The following ZNHIT3 variants were observed in gnomAD, a reference collection of about 807,000 sequenced individuals.
ZNHIT3 encodes zinc finger HIT-type containing 3, also known as zinc finger HIT domain-containing protein 3.
Under a neutral mutation model 19.9 loss-of-function variants are expected in ZNHIT3, and 27 were observed. The ratio of observed to expected loss-of-function variants is 1.36; its 90% CI spans 1.00 to 1.87. The LOEUF is 1.87. ZNHIT3 is among the 40% of genes most tolerant of loss of function. ZNHIT3 has a pLI of 0.00. For missense variants in ZNHIT3, 215 were observed against 185.6 expected, an observed-to-expected ratio of 1.16 and a Z score of -0.92; for synonymous variants, 81 against 65.7, an observed-to-expected ratio of 1.23 and a Z score of -1.13.
At chr17:36,497,718 GGGAC>G (rs1450765825), downstream of ZNHIT3, 1 of 199,170 alleles carries the variant, frequency 5.0e-6, no homozygotes, top group African/African-American at 2.4e-5. Flanking sequence ...CCGAGCAGCT[GGGAC>G]TACAGGCGCC....
At chr17:36,489,039 G>C (rs2070661696) in intron 2 of ZNHIT3, 1 of 152,200 alleles carries the variant, frequency 6.6e-6, no homozygotes, top group Non-Finnish European at 1.5e-5. Context: ...AACTTGCTTA[G>C]CATCCACATG....
At position 36,495,419 on chromosome 17, in the gene ZNHIT3, C is replaced by CT; in HGVS notation, c.*16dup. 5 of 1,577,704 alleles carry CT rather than the reference C, an allele frequency of 3.2e-6. No individual in the cohort carries two copies. Among genetic ancestry groups the CT allele is most frequent in the Non-Finnish European group, 4.3e-6 (5 of 1,163,078 alleles). On this transcript the variant is annotated 3_prime_UTR_variant, in exon 5 of 5. Coordinates refer to ENST00000617429, the MANE Select transcript of ZNHIT3 (RefSeq NM_004773.4). ...AGGAGTCTTAAGATGGATTATTGTGCTGCTTGCTCAAGCGTGTGCTTGACT... is the reference window on the plus strand; with the variant it reads ...AGGAGTCTTAAGATGGATTATTGTGCTTGCTTGCTCAAGCGTGTGCTTGACT...
At chr17:36,497,547 TTCC>T, downstream of ZNHIT3, 1 of 985,280 alleles carries the variant, frequency 1.0e-6, no homozygotes, top group Non-Finnish European at 1.2e-6. Flanking sequence ...TCGTGAATTT[TTCC>T]TCTTTTCTGT....
At chr17:36,496,413 G>T, downstream of ZNHIT3, 1 of 1,613,786 alleles carries the variant, frequency 6.2e-7, no homozygotes, top group Non-Finnish European at 8.5e-7. Context: ...ATCCCTAGAG[G>T]GGAGAGAGAG....
At chr17:36,487,095 A>T (rs2070581625) in intron 2 of ZNHIT3, 129 bp downstream of exon 2, 2 of 1,286,762 alleles carry the variant, frequency 1.6e-6, no homozygotes, top group African/African-American at 3.1e-5. Context: ...CGGGTTCTGC[A>T]GGAACCTTGC....
In ZNHIT3 at chr17:36,495,765, T is replaced by C; in HGVS notation, c.*361T>C. The C allele has an allele frequency of 8.1e-7, 1 of 1,241,346 alleles. No individual in the cohort carries two copies. The highest frequency in any genetic ancestry group is 1.0e-6 in the Non-Finnish European group (1 of 993,372). The allele number at this position is 1,241,346 out of a possible 1,614,324, so 76.9% of individuals were successfully genotyped here. ...AACGTGATTCTACTGTACATTGCAT[T>C]ATTCATAATTTAATTGTTTGAAATT... On this transcript the variant is annotated 3_prime_UTR_variant, in exon 5 of 5. Coordinates refer to ENST00000617429, the MANE Select transcript of ZNHIT3 (RefSeq NM_004773.4).
intron 1 of ZNHIT3, 73 bp downstream of exon 1, chr17:36,486,858 C>T (rs1314937170): frequency 4.1e-6 from 3 of 738,870 alleles, no homozygotes; most frequent in Non-Finnish European, 6.5e-6. Context: ...GCCGGGAGGC[C>T]GGGCGGGAGC....
At chr17:36,486,996 C>A (rs745814158) in intron 2 of ZNHIT3, 30 bp downstream of exon 2, 4 of 1,610,004 alleles carry the variant, frequency 2.5e-6, no homozygotes, top group East Asian at 4.5e-5. Flanking sequence ...GCCCTCGTAC[C>A]ACTGCGCACG....
At chr17:36,487,036 G>T (rs1429861968) in intron 2 of ZNHIT3, 70 bp downstream of exon 2, 6 of 1,587,924 alleles carry the variant, frequency 3.8e-6, no homozygotes, top group East Asian at 2.3e-5. Context: ...CCTCCGTCTT[G>T]GGGGCGTGGA....
At chr17:36,488,376 C>A (rs1230795017) in intron 2 of ZNHIT3, among the ~76,000 whole-genome samples, 3 of 151,934 alleles carry the variant, frequency 2.0e-5, no homozygotes. Flanking sequence ...GAAACCACAT[C>A]TCTACTAAAA....
intron 3 of ZNHIT3, chr17:36,493,341 G>A (rs1269850399): frequency 2.6e-5 from 5 of 193,320 alleles, no homozygotes; most frequent in East Asian, 1.5e-4. Context: ...CAACCCATCC[G>A]TCCAGCCATC....
intron 2 of ZNHIT3, among the ~76,000 whole-genome samples, chr17:36,487,788 C>A (rs745419500): frequency 6.0e-5 from 8 of 134,016 alleles, no homozygotes; most frequent in Non-Finnish European, 1.3e-4. Flanking sequence ...CAGACTCAGT[C>A]TGGAAAAAAA....
At chr17:36,487,090 T>C (rs1201845493) in intron 2 of ZNHIT3, 124 bp downstream of exon 2, 18 of 1,347,216 alleles carry the variant, frequency 1.3e-5, no homozygotes, top group Non-Finnish European at 1.7e-5. Context: ...CTCCGCGGGT[T>C]CTGCAGGAAC....
chr17:36,493,621 TAA>T (rs2070775558), intron 3 of ZNHIT3, among the ~76,000 whole-genome samples: 1 of 152,214 alleles, frequency 6.6e-6, no homozygotes, highest in African/African-American at 2.4e-5. Context: ...GGATGGGTAT[TAA>T]GTTATTAGAC....
chr17:36,488,845 G>A (rs1170624896), intron 2 of ZNHIT3, among the ~76,000 whole-genome samples: 1 of 152,160 alleles, frequency 6.6e-6, no homozygotes, highest in Non-Finnish European at 1.5e-5. Flanking sequence ...ATCCTCTCTT[G>A]TAGCTATTTG....
At chr17:36,490,069 T>C (rs1218357350) in intron 2 of ZNHIT3, 1 of 152,114 alleles carries the variant, frequency 6.6e-6, no homozygotes, top group South Asian at 2.1e-4. Context: ...TCCTTTGTTG[T>C]ACAGAAGCTT....
intron 2 of ZNHIT3, chr17:36,489,184 CT>C (rs1262170594): frequency 2.0e-5 from 3 of 152,322 alleles, no homozygotes; most frequent in Non-Finnish European, 4.4e-5. Context: ...TACCGCATTT[CT>C]TTATCCATCT....
chr17:36,494,042 C>T (rs1416027851), intron 4 of ZNHIT3, 36 bp downstream of exon 4: 2 of 1,487,038 alleles, frequency 1.3e-6, no homozygotes, highest in Admixed American at 1.7e-5. Context: ...CGTTGAGATA[C>T]ATTTACTGTG....
chr17:36,498,580 T>C (rs778899994), downstream of ZNHIT3: 2 of 1,592,360 alleles, frequency 1.3e-6, no homozygotes, highest in South Asian at 2.2e-5. Flanking sequence ...AAATATCCCT[T>C]TATAGCTTTA....
Sources: gnomAD v4.1 joint callset for allele counts (sites outside exome capture counted in the v4.1 genomes callset) on GRCh38, gnomAD v4.1.1 for gene constraint, MANE v1.5 for transcripts, NCBI Gene and HGNC (gene_info 2026-07-23, HGNC 2026-07-21) for gene names.